The following SNCAIP variants were observed in gnomAD, a reference collection of about 807,000 sequenced individuals.
SNCAIP encodes synuclein alpha interacting protein.
In SNCAIP, 43 loss-of-function variants were observed where a neutral mutation model predicts 86.7. That is an observed-to-expected ratio of 0.50 (90% CI 0.39 to 0.64). SNCAIP has a LOEUF of 0.64. Ranked by LOEUF, SNCAIP falls within the 30% of genes least tolerant of loss-of-function variation. The pLI is 0.00. For synonymous variants in SNCAIP, 417 were observed against 427.2 expected (o/e 0.98, Z 0.29); for missense variants, 981 against 1,103.1 (o/e 0.89, Z 1.57).
intron 7 of SNCAIP, chr5:122,444,341 C>G: frequency 1.7e-6 from 1 of 599,376 alleles, no homozygotes; most frequent in Non-Finnish European, 3.1e-6. Flanking sequence ...ACAGCCTCCT[C>G]CTCTCCTTCC....
chr5:122,351,960 G>T (rs549048038), intron 1 of SNCAIP, among the ~76,000 whole-genome samples: 1 of 152,268 alleles, frequency 6.6e-6, no homozygotes, highest in Non-Finnish European at 1.5e-5. Context: ...TAGGAGGCAG[G>T]CCACATCTGG....
intron 1 of SNCAIP, among the ~76,000 whole-genome samples, chr5:122,351,492 A>C (rs1264712726): frequency 1.4e-5 from 2 of 138,776 alleles, no homozygotes; most frequent in African/African-American, 5.4e-5. Context: ...AGCCGAGATC[A>C]TGCCATTGCA....
At chr5:122,460,616 T>G (rs1263162748) in intron 10 of SNCAIP, among the ~76,000 whole-genome samples, 1 of 152,166 alleles carries the variant, frequency 6.6e-6, no homozygotes, top group African/African-American at 2.4e-5. Flanking sequence ...TGTATCACTC[T>G]CAAGAGCTAA....
At chr5:122,355,575 C>A (rs922545882) in intron 1 of SNCAIP, among the ~76,000 whole-genome samples, 2 of 152,192 alleles carry the variant, frequency 1.3e-5, no homozygotes, top group Admixed American at 1.3e-4. Flanking sequence ...TGTCTTTGAA[C>A]ATCAGATGAG....
intron 5 of SNCAIP, among the ~76,000 whole-genome samples, 158 bp downstream of exon 5, chr5:122,425,689 A>C (rs534980623): frequency 6.6e-6 from 1 of 152,328 alleles, no homozygotes; most frequent in Non-Finnish European, 1.5e-5. Context: ...CATTTCAGTC[A>C]CTGCTTTGAG....
intron 1 of SNCAIP, among the ~76,000 whole-genome samples, chr5:122,340,182 T>G (rs1757282132): frequency 6.6e-6 from 1 of 152,176 alleles, no homozygotes; most frequent in African/African-American, 2.4e-5. Context: ...CCTGAAGTAT[T>G]TTTTCCATGT....
chr5:122,418,682 G>GA (rs1467822434), intron 3 of SNCAIP, among the ~76,000 whole-genome samples: 2 of 152,190 alleles, frequency 1.3e-5, no homozygotes, highest in East Asian at 3.9e-4. Flanking sequence ...TAATTAGTAA[G>GA]AAAAAAGAGA....
chr5:122,360,572 G>A (rs1047150683), intron 1 of SNCAIP, among the ~76,000 whole-genome samples: 3 of 152,158 alleles, frequency 2.0e-5, no homozygotes, highest in Non-Finnish European at 4.4e-5. Flanking sequence ...ATTAATGAAT[G>A]TTACTTAACC....
intron 3 of SNCAIP, 27 bp from the exon 4 acceptor site, chr5:122,422,841 C>A: frequency 6.3e-7 from 1 of 1,596,390 alleles, no homozygotes; most frequent in South Asian, 1.1e-5. Flanking sequence ...AGATTAATAG[C>A]TTTCTATTTT....
chr5:122,430,663 A>G (rs1216936592), intron 5 of SNCAIP, among the ~76,000 whole-genome samples: 1 of 152,092 alleles, frequency 6.6e-6, no homozygotes, highest in African/African-American at 2.4e-5. Flanking sequence ...ACAGACATGT[A>G]TGGACTATAT....
In SNCAIP at chr5:122,421,467, G is replaced by A. The variant is rs567299517; in HGVS notation, c.131-1401G>A. On this transcript the variant is annotated intron_variant, in intron 3 of 10. Coordinates refer to ENST00000261368, the MANE Select transcript of SNCAIP (RefSeq NM_005460.4). The stretch of plus-strand genomic sequence containing the variant: ...CTTAAATTTAGGGAACTTTAATAAT[G>A]TATGTTCCACTTTCACCCTAAGAAT... Among the ~76,000 whole-genome samples the A allele has an allele frequency of 2.6e-5, 4 of 152,278 alleles. No individual in the cohort carries two copies. The South Asian group carries it at 6.2e-4, about 24-fold the overall frequency.
At chr5:122,338,374 A>G (rs911273842) in intron 1 of SNCAIP, among the ~76,000 whole-genome samples, 6 of 152,218 alleles carry the variant, frequency 3.9e-5, no homozygotes, top group African/African-American at 1.4e-4. Flanking sequence ...TTCATTAACA[A>G]CCACAAGTCA....
chr5:122,439,542 T>G (rs573601778), intron 6 of SNCAIP, among the ~76,000 whole-genome samples: 1 of 152,340 alleles, frequency 6.6e-6, no homozygotes, highest in East Asian at 1.9e-4. Context: ...ATTAAAAGAT[T>G]TGGCTGTTTT....
At chr5:122,429,802 A>G (rs1778044840) in intron 5 of SNCAIP, among the ~76,000 whole-genome samples, 1 of 152,170 alleles carries the variant, frequency 6.6e-6, no homozygotes, top group Non-Finnish European at 1.5e-5. Context: ...CAGCCAGGAC[A>G]CGGTTACCTC....
intron 1 of SNCAIP, among the ~76,000 whole-genome samples, chr5:122,335,803 A>G (rs1756323818): frequency 6.6e-6 from 1 of 152,190 alleles, no homozygotes; most frequent in South Asian, 2.1e-4. Context: ...CCATCCAGTT[A>G]TTGAATGAAT....
chr5:122,367,581 T>C (rs1195943116), intron 1 of SNCAIP, among the ~76,000 whole-genome samples: 1 of 152,068 alleles, frequency 6.6e-6, no homozygotes, highest in Non-Finnish European at 1.5e-5. Context: ...ACTAAGAGGC[T>C]CAGGGCTGGA....
intron 3 of SNCAIP, among the ~76,000 whole-genome samples, chr5:122,420,569 C>T (rs1253536402): frequency 2.4e-5 from 3 of 124,546 alleles, no homozygotes; most frequent in African/African-American, 9.6e-5. Flanking sequence ...TCAGAAATGT[C>T]TATGAGTATA....
intron 10 of SNCAIP, among the ~76,000 whole-genome samples, chr5:122,461,227 C>T (rs532309315): frequency 6.6e-6 from 1 of 152,274 alleles, no homozygotes; most frequent in East Asian, 1.9e-4. Flanking sequence ...AAGCCCTATT[C>T]TTCTCTGCCA....
intron 2 of SNCAIP, among the ~76,000 whole-genome samples, chr5:122,403,549 T>A (rs1772297268): frequency 6.6e-6 from 1 of 152,024 alleles, no homozygotes; most frequent in Admixed American, 6.5e-5. Flanking sequence ...ACACCCCACC[T>A]TTTTTTGTTA....
Sources: gnomAD v4.1 joint callset for allele counts (sites outside exome capture counted in the v4.1 genomes callset) on GRCh38, gnomAD v4.1.1 for gene constraint, MANE v1.5 for transcripts, NCBI Gene and HGNC (gene_info 2026-07-23, HGNC 2026-07-21) for gene names.